Variants in CDH12 observed in about 807,000 individuals in gnomAD.
The protein encoded by CDH12 is cadherin 12, also known as cadherin-12.
In CDH12, 41 loss-of-function variants were observed where a neutral mutation model predicts 74.1. That is an observed-to-expected ratio of 0.55 (90% CI 0.43 to 0.72). The LOEUF (loss-of-function observed/expected upper bound fraction) is 0.72, where lower values mean the gene tolerates loss of function less well. Ranked by LOEUF, CDH12 falls within the 30% of genes least tolerant of loss-of-function variation. The pLI, the probability that CDH12 is intolerant of heterozygous loss-of-function variation, is 0.00. For synonymous variants in CDH12, 399 were observed against 355.0 expected, an observed-to-expected ratio of 1.12 and a Z score of -1.39; for missense variants, 945 against 977.2, an observed-to-expected ratio of 0.97 and a Z score of 0.44.
Position 21,999,423 on chromosome 5 carries a change from T to C in CDH12, c.232-24038A>G, listed in dbSNP as rs532296051. Among the ~76,000 whole-genome samples the C allele has an allele frequency of 2.0e-5, 3 of 152,286 alleles. No homozygotes were observed. The East Asian group carries it at 5.8e-4, about 29-fold the overall frequency. On this transcript the variant is annotated intron_variant, in intron 5 of 14. Coordinates refer to ENST00000382254, the MANE Select transcript of CDH12 (RefSeq NM_004061.5). ...TTTTCCAACTCGGCACACAAACCCA[T>C]TGAACTGTCCCTTCAGGTTTGATGC...
chr5:22,123,703 C>G (rs749074145), intron 4 of CDH12, among the ~76,000 whole-genome samples: 1 of 152,266 alleles, frequency 6.6e-6, no homozygotes, highest in South Asian at 2.1e-4. Context: ...CTCTGTCCTA[C>G]GCGATTTTGC....
At chr5:21,854,218 C>G (rs1250140115) in intron 7 of CDH12, among the ~76,000 whole-genome samples, 4 of 151,584 alleles carry the variant, frequency 2.6e-5, no homozygotes, top group East Asian at 1.9e-4. Context: ...TCCTTTCTCC[C>G]ACTATAAGCA....
At chr5:22,739,663 GTTAT>G (rs1744921367) in intron 1 of CDH12, among the ~76,000 whole-genome samples, 1 of 152,054 alleles carries the variant, frequency 6.6e-6, no homozygotes, top group Admixed American at 6.6e-5. Context: ...ATCTCCGGAA[GTTAT>G]TTATTATGCA....
chr5:22,726,946 T>C (rs1016505366), intron 1 of CDH12, among the ~76,000 whole-genome samples: 1 of 151,852 alleles, frequency 6.6e-6, no homozygotes, highest in Admixed American at 6.6e-5. Context: ...ATATGTAATA[T>C]TACTCTAGTA....
intron 9 of CDH12, among the ~76,000 whole-genome samples, 173 bp from the exon 10 acceptor site, chr5:21,802,593 CTTTTTTTTTTTT>C (rs35742047): frequency 5.8e-5 from 7 of 120,204 alleles, no homozygotes; most frequent in South Asian, 5.4e-4. Context: ...ATTTTTTTTT[CTTTTTTTTTTTT>C]TTTTGAGACA....
At chr5:22,075,117 A>T (rs1312239498) in intron 5 of CDH12, among the ~76,000 whole-genome samples, 6 of 152,146 alleles carry the variant, frequency 3.9e-5, no homozygotes, top group African/African-American at 1.4e-4. Context: ...ACACCATGGA[A>T]TTCTATGCAG....
intron 9 of CDH12, among the ~76,000 whole-genome samples, chr5:21,803,139 A>G (rs1033717602): frequency 6.6e-6 from 1 of 152,174 alleles, no homozygotes; most frequent in African/African-American, 2.4e-5. Flanking sequence ...AAATAGGATC[A>G]TTGAAGATAC....
intron 1 of CDH12, among the ~76,000 whole-genome samples, chr5:22,761,541 C>T (rs1192365191): frequency 6.6e-6 from 1 of 152,122 alleles, no homozygotes; most frequent in Non-Finnish European, 1.5e-5. Flanking sequence ...TGCTCTTTAA[C>T]TTATATATGC....
At chr5:22,045,718 C>G (rs1249377954) in intron 5 of CDH12, among the ~76,000 whole-genome samples, 2 of 151,790 alleles carry the variant, frequency 1.3e-5, no homozygotes, top group Admixed American at 6.6e-5. Context: ...CATGATCTCA[C>G]TCATATGTGG....
chr5:22,586,697 A>C (rs2126792172), intron 1 of CDH12, among the ~76,000 whole-genome samples: 1 of 151,884 alleles, frequency 6.6e-6, no homozygotes, highest in East Asian at 1.9e-4. Flanking sequence ...TTTGAAATAT[A>C]TTTTTTACTG....
intron 8 of CDH12, among the ~76,000 whole-genome samples, chr5:21,827,208 A>G (rs1748725313): frequency 6.6e-6 from 1 of 152,178 alleles, no homozygotes; most frequent in Admixed American, 6.5e-5. Flanking sequence ...CCTGAAAGTC[A>G]ACCAAATAGA....
At chr5:21,994,472 C>A (rs1025127930) in intron 5 of CDH12, among the ~76,000 whole-genome samples, 11 of 152,258 alleles carry the variant, frequency 7.2e-5, no homozygotes, top group African/African-American at 2.6e-4. Context: ...AAGTGACCCC[C>A]AAAACACAAT....
intron 1 of CDH12, among the ~76,000 whole-genome samples, chr5:22,809,896 C>G (rs1749050249): frequency 6.6e-6 from 1 of 151,824 alleles, no homozygotes; most frequent in African/African-American, 2.4e-5. Flanking sequence ...AAAGTTTACC[C>G]AATAAATATA....
At chr5:21,759,358 AG>A (rs1468410875) in intron 13 of CDH12, among the ~76,000 whole-genome samples, 2 of 151,764 alleles carry the variant, frequency 1.3e-5, no homozygotes, top group Non-Finnish European at 2.9e-5. Context: ...CCTCTTCATT[AG>A]TCTTTAAGTA....
At chr5:22,091,977 A>G (rs1000125829) in intron 4 of CDH12, among the ~76,000 whole-genome samples, 9 of 151,416 alleles carry the variant, frequency 5.9e-5, no homozygotes, top group African/African-American at 1.7e-4. Flanking sequence ...TATCCAATTG[A>G]CCCAGGCCCA....
chr5:22,280,761 C>A (rs1158888855), intron 3 of CDH12, among the ~76,000 whole-genome samples: 1 of 152,064 alleles, frequency 6.6e-6, no homozygotes, highest in Non-Finnish European at 1.5e-5. Flanking sequence ...AGTCCAGGAC[C>A]AGATGGATTC....
At chr5:22,710,971 T>C (rs1304229491) in intron 1 of CDH12, among the ~76,000 whole-genome samples, 2 of 152,188 alleles carry the variant, frequency 1.3e-5, no homozygotes, top group Non-Finnish European at 2.9e-5. Context: ...CTGGTCACTA[T>C]GCCTCAAGTA....
At chr5:22,792,041 G>A (rs1747935089) in intron 1 of CDH12, among the ~76,000 whole-genome samples, 2 of 150,274 alleles carry the variant, frequency 1.3e-5, no homozygotes, top group Admixed American at 1.3e-4. Flanking sequence ...CAATGGTAAT[G>A]CCTTTATAAG....
At chr5:22,346,618 T>C (rs1376424449) in intron 3 of CDH12, among the ~76,000 whole-genome samples, 2 of 152,220 alleles carry the variant, frequency 1.3e-5, no homozygotes, top group Non-Finnish European at 1.5e-5. Flanking sequence ...GCACAAGAAA[T>C]GTCAATCTGG....
Sources: allele counts gnomAD v4.1 joint callset (sites outside exome capture counted in the v4.1 genomes callset), GRCh38; gene constraint gnomAD v4.1.1; transcripts MANE v1.5; gene names NCBI Gene and HGNC (gene_info 2026-07-23, HGNC 2026-07-21).